The following RABGAP1L variants were observed in gnomAD, a reference collection of about 807,000 sequenced individuals.
RABGAP1L encodes the protein rab GTPase-activating protein 1-like.
Under a neutral mutation model 137.7 loss-of-function variants are expected in RABGAP1L, and 63 were observed. The ratio of observed to expected loss-of-function variants is 0.46; its 90% CI spans 0.37 to 0.56. The LOEUF is 0.56. RABGAP1L is among the 20% of genes least tolerant of loss of function. The pLI, the probability that RABGAP1L is intolerant of heterozygous loss-of-function variation, is 0.00. For missense variants in RABGAP1L, 1,095 were observed against 1,244.0 expected (o/e 0.88, Z 1.80); for synonymous variants, 431 against 433.7 (o/e 0.99, Z 0.08).
At chr1:174,555,784 G>C (rs964977138) in intron 13 of RABGAP1L, among the ~76,000 whole-genome samples, 2 of 152,084 alleles carry the variant, frequency 1.3e-5, no homozygotes, top group African/African-American at 4.8e-5. Flanking sequence ...CATTATGGTA[G>C]AGAACCGAGA....
chr1:174,435,265 C>T lies in RABGAP1L; in HGVS notation c.1710+41120C>T, dbSNP rs573403496. The stretch of plus-strand genomic sequence containing the variant: ...ACTCCTGGGCTCAAGTGATCCTCCT[C>T]GTTAGGCCTCCCAAAGTGCTGGGAT... On this transcript the variant is annotated intron_variant, in intron 13 of 25. Transcript: ENST00000681986. 2.1e-4 allele frequency among the ~76,000 whole-genome samples: 32 copies of T among 152,190 alleles called. 1 individual carries two copies. In the South Asian group the frequency reaches 6.4e-3, roughly 31 times the overall value.
chr1:174,752,268 G>A, intron 17 of RABGAP1L, 45 bp from the exon 18 acceptor site: 1 of 1,339,008 alleles, frequency 7.5e-7, no homozygotes, highest in Non-Finnish European at 1.0e-6. Flanking sequence ...ATAAAATAGT[G>A]ATACATGTGG....
chr1:174,411,869 A>G lies in RABGAP1L; in HGVS notation c.1710+17724A>G, dbSNP rs181212551. ...AGTATGGTTTGTGTGACTTTTTAAA[A>G]AATTTATTGAGACTTGCATTGTGGC... On this transcript the variant is annotated intron_variant, in intron 13 of 25. Coordinates refer to ENST00000681986, the MANE Select transcript of RABGAP1L (RefSeq NM_001366446.1). 5.3e-5 allele frequency among the ~76,000 whole-genome samples: 8 copies of G among 152,178 alleles called. No individual in the cohort carries two copies. The East Asian group carries it at 1.5e-3, about 29-fold the overall frequency.
At chr1:174,263,195 GCC>G (rs1258128791) in intron 7 of RABGAP1L, among the ~76,000 whole-genome samples, 3 of 152,226 alleles carry the variant, frequency 2.0e-5, no homozygotes, top group Admixed American at 1.3e-4. Context: ...GCTGGCTGCA[GCC>G]CAGAGGGTTT....
chr1:174,884,888 A>G (rs925200341), intron 19 of RABGAP1L, among the ~76,000 whole-genome samples: 3 of 152,232 alleles, frequency 2.0e-5, no homozygotes, highest in African/African-American at 4.8e-5. Context: ...TAGTTCTACC[A>G]TCTGAATCAC....
intron 10 of RABGAP1L, among the ~76,000 whole-genome samples, chr1:174,282,846 A>T (rs1374500187): frequency 1.3e-5 from 2 of 152,120 alleles, no homozygotes; most frequent in Non-Finnish European, 2.9e-5. Flanking sequence ...TTCCAGCATC[A>T]TTTGTTGAAA....
intron 19 of RABGAP1L, among the ~76,000 whole-genome samples, chr1:174,871,368 G>A (rs902054608): frequency 5.9e-5 from 9 of 152,010 alleles, no homozygotes; most frequent in African/African-American, 9.7e-5. Flanking sequence ...TCCTGACAGC[G>A]TGATCTGCCT....
chr1:174,418,198 C>T (rs1650833275), intron 13 of RABGAP1L, among the ~76,000 whole-genome samples: 1 of 152,146 alleles, frequency 6.6e-6, no homozygotes, highest in Non-Finnish European at 1.5e-5. Flanking sequence ...GTACATCACT[C>T]CAAAATGATG....
At chr1:174,500,224 C>T (rs926301167) in intron 13 of RABGAP1L, among the ~76,000 whole-genome samples, 7 of 151,996 alleles carry the variant, frequency 4.6e-5, no homozygotes, top group South Asian at 2.1e-4. Context: ...AGATTACAGG[C>T]GCACACCACT....
chr1:174,280,859 C>T (rs1263475815), intron 10 of RABGAP1L, among the ~76,000 whole-genome samples: 1 of 152,194 alleles, frequency 6.6e-6, no homozygotes, highest in Admixed American at 6.5e-5. Context: ...GTGAGTGTTA[C>T]AGTTCTTAAA....
chr1:174,401,534 C>T (rs983054163), intron 13 of RABGAP1L, among the ~76,000 whole-genome samples: 2 of 152,098 alleles, frequency 1.3e-5, no homozygotes, highest in African/African-American at 4.8e-5. Context: ...TTACTGTGGG[C>T]TCTTGAGGTC....
chr1:174,478,134 A>G (rs1313573504), intron 13 of RABGAP1L, among the ~76,000 whole-genome samples: 3 of 152,062 alleles, frequency 2.0e-5, no homozygotes, highest in South Asian at 2.1e-4. Flanking sequence ...TTCCCCGTCT[A>G]GTTTTCAAGT....
intron 19 of RABGAP1L, among the ~76,000 whole-genome samples, chr1:174,866,113 GAGAGAGAGA>G (rs1651177001): frequency 6.3e-4 from 4 of 6,342 alleles, no homozygotes; most frequent in Non-Finnish European, 1.0e-3. Context: ...GGGAGGGGGA[GAGAGAGAGA>G]GAGAGAGAGA....
At chr1:174,560,850 G>T (rs997419256) in intron 13 of RABGAP1L, among the ~76,000 whole-genome samples, 2 of 152,116 alleles carry the variant, frequency 1.3e-5, no homozygotes, top group African/African-American at 2.4e-5. Flanking sequence ...ATTTGCTTAG[G>T]ATAATGGCCT....
chr1:174,685,322 G>A (rs905324502), intron 15 of RABGAP1L, among the ~76,000 whole-genome samples: 1 of 151,844 alleles, frequency 6.6e-6, no homozygotes, highest in South Asian at 2.1e-4. Flanking sequence ...GCACAATCTC[G>A]GCTCACTGCA....
intron 13 of RABGAP1L, among the ~76,000 whole-genome samples, chr1:174,635,373 T>G (rs938707593): frequency 6.6e-6 from 1 of 152,224 alleles, no homozygotes; most frequent in African/African-American, 2.4e-5. Flanking sequence ...GTGGAAACTA[T>G]TAACTTATCG....
chr1:174,376,372 G>A (rs1177081054), intron 12 of RABGAP1L, among the ~76,000 whole-genome samples: 2 of 152,076 alleles, frequency 1.3e-5, no homozygotes, highest in Non-Finnish European at 2.9e-5. Flanking sequence ...AAAACCGGAT[G>A]AAAATATTAC....
intron 17 of RABGAP1L, among the ~76,000 whole-genome samples, chr1:174,731,409 A>G (rs1682460260): frequency 6.6e-6 from 1 of 152,168 alleles, no homozygotes; most frequent in South Asian, 2.1e-4. Flanking sequence ...CATGTTTAAG[A>G]TTTCTAGAAA....
intron 1 of RABGAP1L, among the ~76,000 whole-genome samples, chr1:174,214,525 C>A (rs143114741): frequency 6.6e-6 from 1 of 152,066 alleles, no homozygotes; most frequent in African/African-American, 2.4e-5. Flanking sequence ...CCCAGAATAG[C>A]CAAAACTATC....
Sources: gnomAD v4.1 joint callset for allele counts (sites outside exome capture counted in the v4.1 genomes callset) on GRCh38, gnomAD v4.1.1 for gene constraint, MANE v1.5 for transcripts, NCBI Gene and HGNC (gene_info 2026-07-23, HGNC 2026-07-21) for gene names.